Variants in LINGO2 observed in about 807,000 individuals in gnomAD.
LINGO2 encodes the protein leucine rich repeat and Ig domain containing 2.
A neutral mutation model predicts 30.6 loss-of-function variants in LINGO2; 14 were observed. The observed-to-expected ratio is 0.46, with a 90% CI of 0.30 to 0.72. LINGO2 has a LOEUF of 0.72. Ranked by LOEUF, LINGO2 falls within the 30% of genes least tolerant of loss-of-function variation. LINGO2 has a pLI of 0.07. For missense variants in LINGO2, 729 were observed against 751.7 expected (o/e 0.97, Z 0.35); for synonymous variants, 317 against 288.5 (o/e 1.10, Z -1.00).
intron 4 of LINGO2, among the ~76,000 whole-genome samples, chr9:28,197,508 G>A: frequency 6.6e-6 from 1 of 152,028 alleles, no homozygotes; most frequent in East Asian, 1.9e-4. Flanking sequence ...ATAGTCATTA[G>A]TAATTGGGAA....
At chr9:28,712,182 T>C in the LINGO2 span, among the ~76,000 whole-genome samples, 1 of 152,154 alleles carries the variant, frequency 6.6e-6, no homozygotes, top group Non-Finnish European at 1.5e-5. Flanking sequence ...TTGTAAAATG[T>C]ACCCGGTAAT....
At chr9:28,222,529 T>TAA (rs201689042) in intron 4 of LINGO2, among the ~76,000 whole-genome samples, 6 of 150,048 alleles carry the variant, frequency 4.0e-5, no homozygotes, top group South Asian at 2.1e-4. Flanking sequence ...AGGCAAAATT[T>TAA]AAAAAAAAAA....
chr9:28,666,092 A>G (rs1828790410), intron 1 of LINGO2, among the ~76,000 whole-genome samples: 1 of 151,932 alleles, frequency 6.6e-6, no homozygotes, highest in African/African-American at 2.4e-5. Context: ...GGGTTTCACC[A>G]TCTTGGCCAG....
the LINGO2 span, among the ~76,000 whole-genome samples, chr9:29,142,434 T>C: frequency 6.6e-6 from 1 of 151,832 alleles, no homozygotes; most frequent in Non-Finnish European, 1.5e-5. Context: ...AAGTTTTTAT[T>C]AAATTCCCAT....
intron 4 of LINGO2, among the ~76,000 whole-genome samples, chr9:28,061,111 C>G (rs993042888): frequency 2.7e-5 from 4 of 150,896 alleles, no homozygotes; most frequent in Non-Finnish European, 5.9e-5. Context: ...TTTTCAATTT[C>G]TTTTTTTCCT....
the LINGO2 span, among the ~76,000 whole-genome samples, chr9:29,123,283 C>A: frequency 1.3e-5 from 2 of 151,818 alleles, no homozygotes. Context: ...TAAGTATTAC[C>A]TGCTACTTTC....
intron 5 of LINGO2, among the ~76,000 whole-genome samples, chr9:28,002,826 G>A (rs1197919): frequency 2.0e-5 from 3 of 151,810 alleles, no homozygotes; most frequent in Non-Finnish European, 2.9e-5. Context: ...GGTTTCCTTC[G>A]AAACACCATA....
intron 1 of LINGO2, among the ~76,000 whole-genome samples, chr9:28,592,842 A>G (rs950670126): frequency 7.2e-5 from 11 of 152,070 alleles, no homozygotes; most frequent in African/African-American, 2.7e-4. Context: ...ATTTCAAAAT[A>G]AAAACAGTAA....
chr9:28,856,026 T>G, the LINGO2 span, among the ~76,000 whole-genome samples: 1 of 151,910 alleles, frequency 6.6e-6, no homozygotes, highest in African/African-American at 2.4e-5. Context: ...ATAAGATGGT[T>G]ATTTGGAGCT....
chr9:28,302,616 A>G (rs1403775901), intron 3 of LINGO2, among the ~76,000 whole-genome samples: 1 of 152,160 alleles, frequency 6.6e-6, no homozygotes, highest in East Asian at 1.9e-4. Context: ...GGCTGTAGTT[A>G]GCCCTGATCA....
chr9:28,035,893 A>AACACACACAC (rs111851787), intron 4 of LINGO2, among the ~76,000 whole-genome samples: 1 of 149,198 alleles, frequency 6.7e-6, no homozygotes, highest in Non-Finnish European at 1.5e-5. Flanking sequence ...CACACACACA[A>AACACACACAC]ACACACACAC....
chr9:28,871,317 A>G, the LINGO2 span, among the ~76,000 whole-genome samples: 1 of 151,616 alleles, frequency 6.6e-6, no homozygotes, highest in Non-Finnish European at 1.5e-5. Flanking sequence ...ATAGAACAAT[A>G]TTCATAATAT....
intron 1 of LINGO2, among the ~76,000 whole-genome samples, chr9:28,619,007 T>C (rs1341386535): frequency 6.6e-6 from 1 of 152,156 alleles, no homozygotes; most frequent in African/African-American, 2.4e-5. Context: ...ACTTCGTAAA[T>C]GATTGCCACT....
intron 5 of LINGO2, among the ~76,000 whole-genome samples, chr9:27,977,551 G>T (rs1020677612): frequency 6.6e-6 from 1 of 152,062 alleles, no homozygotes; most frequent in Non-Finnish European, 1.5e-5. Flanking sequence ...TAACATTCTA[G>T]GGAGAGCTCT....
At chr9:29,032,561 T>C in the LINGO2 span, among the ~76,000 whole-genome samples, 1 of 152,170 alleles carries the variant, frequency 6.6e-6, no homozygotes, top group African/African-American at 2.4e-5. Flanking sequence ...TGGGAGTCAC[T>C]GTCAAAGTCT....
In LINGO2 at chr9:28,299,670, A is replaced by G. The variant is rs565100891; in HGVS notation, c.-245-4304T>C. ...ATCAGAAAGTTTAAGTTACTCACCC[A>G]AGGATATAGAGCCTTTGAAAAATGG... On this transcript the variant is annotated intron_variant, in intron 3 of 5. Transcript: ENST00000379992. Among the ~76,000 whole-genome samples, 21 of 152,272 alleles carry G rather than the reference A, an allele frequency of 1.4e-4. No homozygotes were observed. In the East Asian group the frequency reaches 3.3e-3, roughly 24 times the overall value.
the LINGO2 span, among the ~76,000 whole-genome samples, chr9:28,833,959 A>C: frequency 2.6e-5 from 4 of 150,998 alleles, no homozygotes; most frequent in Admixed American, 1.3e-4. Context: ...TTTATGGTTC[A>C]TTTTACACTT....
At chr9:28,878,160 C>G in the LINGO2 span, among the ~76,000 whole-genome samples, 61 of 152,108 alleles carry the variant, frequency 4.0e-4, no homozygotes, top group Middle Eastern at 6.8e-3. Context: ...GGGGATATCA[C>G]CACCAATCCC....
chr9:28,947,650 A>C, the LINGO2 span, among the ~76,000 whole-genome samples: 1 of 148,192 alleles, frequency 6.7e-6, no homozygotes, highest in Non-Finnish European at 1.5e-5. Flanking sequence ...CATATTTTTT[A>C]TGTCATTATC....
Sources: gnomAD v4.1 joint callset for allele counts (sites outside exome capture counted in the v4.1 genomes callset) on GRCh38, gnomAD v4.1.1 for gene constraint, MANE v1.5 for transcripts, NCBI Gene and HGNC (gene_info 2026-07-23, HGNC 2026-07-21) for gene names.